The following GRAMD2B variants were observed in gnomAD, a reference collection of about 807,000 sequenced individuals.
The protein encoded by GRAMD2B is GRAM domain-containing protein 2B.
A neutral mutation model predicts 59.2 loss-of-function variants in GRAMD2B; 41 were observed. The observed-to-expected ratio is 0.69, with a 90% CI of 0.54 to 0.90. The LOEUF (loss-of-function observed/expected upper bound fraction) is 0.90. Ranked by LOEUF, GRAMD2B falls within the 40% of genes least tolerant of loss-of-function variation. The pLI, the probability that GRAMD2B is intolerant of heterozygous loss-of-function variation, is 0.00. For missense variants in GRAMD2B, 424 were observed against 500.5 expected, an observed-to-expected ratio of 0.85 and a Z score of 1.46; for synonymous variants, 161 against 182.7, an observed-to-expected ratio of 0.88 and a Z score of 0.96.
At chr5:126,385,261 A>T (rs1222011213) in intron 1 of GRAMD2B, among the ~76,000 whole-genome samples, 6 of 152,186 alleles carry the variant, frequency 3.9e-5, no homozygotes, top group African/African-American at 1.4e-4. Flanking sequence ...CTCCACAGGG[A>T]TTTATTAATA....
intron 1 of GRAMD2B, among the ~76,000 whole-genome samples, chr5:126,381,408 C>T (rs1755645342): frequency 6.6e-6 from 1 of 152,000 alleles, no homozygotes; most frequent in Non-Finnish European, 1.5e-5. Context: ...GTGGTATTTT[C>T]CTGTTCAACT....
At chr5:126,445,980 G>A (rs1764147333) in intron 1 of GRAMD2B, among the ~76,000 whole-genome samples, 1 of 151,986 alleles carries the variant, frequency 6.6e-6, no homozygotes, top group Admixed American at 6.6e-5. Flanking sequence ...AGAGCCATGT[G>A]GACTAGTGTG....
upstream of GRAMD2B, among the ~76,000 whole-genome samples, chr5:126,369,921 G>C (rs185082638): frequency 4.0e-3 from 614 of 152,276 alleles, 6 homozygotes; most frequent in African/African-American, 0.014. Context: ...ATGGTGACTG[G>C]TTTAATTCAG....
exon 1 of GRAMD2B, chr5:126,360,229 AC>A (rs753379277): frequency 2.2e-6 from 3 of 1,370,700 alleles, no homozygotes; most frequent in Non-Finnish European, 1.0e-6. Flanking sequence ...CGAAAAGCAC[AC>A]CAACTGGCTC....
chr5:126,361,070 C>T (rs1003415953), intron 1 of GRAMD2B, among the ~76,000 whole-genome samples: 12 of 152,134 alleles, frequency 7.9e-5, no homozygotes, highest in Admixed American at 7.9e-4. Context: ...CAACTGCTAG[C>T]AGAGTAACAA....
chr5:126,454,068 C>T (rs1306812458), intron 1 of GRAMD2B, among the ~76,000 whole-genome samples: 1 of 152,046 alleles, frequency 6.6e-6, no homozygotes, highest in Non-Finnish European at 1.5e-5. Context: ...GAGGAGGGAG[C>T]AGAGAACTGA....
intron 13 of GRAMD2B, among the ~76,000 whole-genome samples, chr5:126,491,651 C>A (rs548973639): frequency 8.5e-5 from 13 of 152,300 alleles, no homozygotes; most frequent in African/African-American, 2.6e-4. Flanking sequence ...ACAATATGTT[C>A]TTTCTTTTCG....
intron 1 of GRAMD2B, among the ~76,000 whole-genome samples, chr5:126,412,922 T>C (rs925484263): frequency 6.6e-6 from 1 of 152,084 alleles, no homozygotes; most frequent in Non-Finnish European, 1.5e-5. Flanking sequence ...TCTCTGAGGA[T>C]CTTCTGCATT....
Position 126,442,865 on chromosome 5 carries a change from C to A in GRAMD2B, c.83+19176C>A, listed in dbSNP as rs534024861. On this transcript the variant is annotated intron_variant, in intron 1 of 13. Transcript: ENST00000285689. ...TAGCAAAAAATAAAATTAAAAAAAA[C>A]CAGTAATTTCATTTCCCAAAGAAAA... Among the ~76,000 whole-genome samples, 141 of 152,044 alleles carry A rather than the reference C, an allele frequency of 9.3e-4. 1 individual carries two copies. Among genetic ancestry groups the A allele is most frequent in the Non-Finnish European group, 5.6e-4 (38 of 67,978 alleles).
upstream of GRAMD2B, chr5:126,423,365 C>T: frequency 7.5e-7 from 1 of 1,329,800 alleles, no homozygotes; most frequent in Non-Finnish European, 9.6e-7. Flanking sequence ...TCGCTTCGAC[C>T]CTCCCCTTCC....
intron 1 of GRAMD2B, among the ~76,000 whole-genome samples, chr5:126,390,242 TG>T (rs1336810704): frequency 6.6e-6 from 1 of 152,202 alleles, no homozygotes; most frequent in African/African-American, 2.4e-5. Flanking sequence ...GTGTTTATTA[TG>T]GCCCTAACCT....
At chr5:126,465,895 G>A (rs1768264274) in intron 2 of GRAMD2B, among the ~76,000 whole-genome samples, 1 of 152,040 alleles carries the variant, frequency 6.6e-6, no homozygotes, top group African/African-American at 2.4e-5. Flanking sequence ...TTTCCTAGGG[G>A]CCGTGAAAAA....
intron 1 of GRAMD2B, among the ~76,000 whole-genome samples, chr5:126,399,164 G>A (rs1757614601): frequency 6.6e-6 from 1 of 151,954 alleles, no homozygotes; most frequent in Non-Finnish European, 1.5e-5. Flanking sequence ...TTTCTGTTTG[G>A]GTGCTCTATC....
At chr5:126,450,006 G>A (rs1765043141) in intron 1 of GRAMD2B, among the ~76,000 whole-genome samples, 1 of 152,058 alleles carries the variant, frequency 6.6e-6, no homozygotes, top group African/African-American at 2.4e-5. Context: ...TTTTAACTCT[G>A]CTACAATGCC....
At chr5:126,491,083 C>T (rs1374773198) in intron 13 of GRAMD2B, among the ~76,000 whole-genome samples, 1 of 152,150 alleles carries the variant, frequency 6.6e-6, no homozygotes, top group South Asian at 2.1e-4. Context: ...ATTACTGAGG[C>T]TGAACATCTC....
intron 2 of GRAMD2B, among the ~76,000 whole-genome samples, chr5:126,467,839 C>T (rs1183401795): frequency 6.6e-6 from 1 of 152,112 alleles, no homozygotes. Flanking sequence ...CCTGTGATTT[C>T]AGCATTGTGG....
rs36111279 is a variant in GRAMD2B at position 126,431,773 on chromosome 5, G to GAA, written c.83+8091_83+8092dup. Among the ~76,000 whole-genome samples the GAA allele has an allele frequency of 1.4e-3, 212 of 151,882 alleles. 2 individuals are homozygous for GAA. Among genetic ancestry groups the GAA allele is most frequent in the African/African-American group, 4.9e-3 (204 of 41,412 alleles). On this transcript the variant is annotated intron_variant, in intron 1 of 13. Transcript: ENST00000285689. ...TACTGAGTTATATTGAAAGGAGAAA[G>GAA]AAAAAAAATTGGCTAATTTACCATT...
chr5:126,392,843 T>C (rs1438625986), intron 1 of GRAMD2B, among the ~76,000 whole-genome samples: 2 of 152,142 alleles, frequency 1.3e-5, no homozygotes, highest in African/African-American at 2.4e-5. Flanking sequence ...CAGTTCGCAA[T>C]AGGGTTTGTG....
intron 1 of GRAMD2B, among the ~76,000 whole-genome samples, chr5:126,406,948 A>C (rs996085627): frequency 6.6e-6 from 1 of 152,092 alleles, no homozygotes; most frequent in African/African-American, 2.4e-5. Flanking sequence ...AGTAATAACA[A>C]TAACAAACTC....
Sources: allele counts gnomAD v4.1 joint callset (sites outside exome capture counted in the v4.1 genomes callset), GRCh38; gene constraint gnomAD v4.1.1; transcripts MANE v1.5; gene names NCBI Gene and HGNC (gene_info 2026-07-23, HGNC 2026-07-21).